The following MAGI2 variants were observed in gnomAD, a reference collection of about 807,000 sequenced individuals.
The protein encoded by MAGI2 is membrane associated guanylate kinase, WW and PDZ domain containing 2.
A neutral mutation model predicts 133.3 loss-of-function variants in MAGI2; 35 were observed. That is an observed-to-expected ratio of 0.26 (90% confidence interval 0.20 to 0.35). The LOEUF (loss-of-function observed/expected upper bound fraction) is 0.35, where lower values mean the gene tolerates loss of function less well. Ranked by LOEUF, MAGI2 falls within the 10% of genes least tolerant of loss-of-function variation. The pLI is 1.00. For missense variants in MAGI2, 1,636 were observed against 1,863.4 expected, an observed-to-expected ratio of 0.88 and a Z score of 2.25; for synonymous variants, 729 against 710.6, an observed-to-expected ratio of 1.03 and a Z score of -0.41.
At chr7:79,376,816 TTGTG>T (rs140364258) in intron 1 of MAGI2, among the ~76,000 whole-genome samples, 2,889 of 79,938 alleles carry the variant, frequency 0.036, 34 homozygotes, top group Middle Eastern at 0.1. Context: ...AAGAGAGGAT[TTGTG>T]TGTGTGTGTG....
intron 3 of MAGI2, among the ~76,000 whole-genome samples, chr7:78,604,303 A>T (rs1805558055): frequency 6.6e-6 from 1 of 152,136 alleles, no homozygotes. Context: ...AGGTGGCTGA[A>T]GTATGTTGAT....
At chr7:78,023,079 G>T (rs556844537) in intron 21 of MAGI2, among the ~76,000 whole-genome samples, 1 of 152,268 alleles carries the variant, frequency 6.6e-6, no homozygotes, top group Admixed American at 6.5e-5. Flanking sequence ...CGAAACATAT[G>T]GTGTCTGTCC....
Position 78,573,064 on chromosome 7 carries a change from T to C in MAGI2, c.539-51419A>G, listed in dbSNP as rs868015627. 1.0e-3 allele frequency among the ~76,000 whole-genome samples: 101 copies of C among 96,548 alleles called. 2 individuals carry two copies. Among genetic ancestry groups the C allele is most frequent in the African/African-American group, 4.4e-3 (99 of 22,360 alleles). 63.3% of individuals were successfully genotyped at this position (96,548 alleles called of 152,430 possible). ...ATATATATATATATATATATATATA[T>C]ATATATATATATACACACACACACA... On this transcript the variant is annotated intron_variant, in intron 3 of 21. Coordinates refer to ENST00000354212, the MANE Select transcript of MAGI2 (RefSeq NM_012301.4).
intron 9 of MAGI2, among the ~76,000 whole-genome samples, chr7:78,279,067 A>T (rs1415176519): frequency 6.6e-6 from 1 of 152,162 alleles, no homozygotes; most frequent in East Asian, 1.9e-4. Flanking sequence ...GAAGGATTTT[A>T]ACATATCAGA....
rs559470216 is a variant in MAGI2 at position 79,427,037 on chromosome 7, A to G, written c.301+25983T>C. On this transcript the variant is annotated intron_variant, in intron 1 of 21. Coordinates refer to ENST00000354212, the MANE Select transcript of MAGI2 (RefSeq NM_012301.4). ...ATTACAAAGCACTAAACTATAAAAT[A>G]TTGTTATGATTTGAAGTTGGATATA... Among the ~76,000 whole-genome samples the G allele has an allele frequency of 9.9e-4, 151 of 152,308 alleles. 3 individuals are homozygous for G. The highest frequency in any genetic ancestry group is 2.5e-4 in the Non-Finnish European group (17 of 68,002).
At chr7:79,325,939 G>A (rs951169626) in intron 1 of MAGI2, among the ~76,000 whole-genome samples, 2 of 151,994 alleles carry the variant, frequency 1.3e-5, no homozygotes, top group Non-Finnish European at 2.9e-5. Context: ...TTGAGTGCTG[G>A]GAATAGGGGG....
chr7:78,084,526 T>C (rs1359834697), intron 20 of MAGI2, among the ~76,000 whole-genome samples: 1 of 152,256 alleles, frequency 6.6e-6, no homozygotes, highest in African/African-American at 2.4e-5. Flanking sequence ...CAAGCTTTCT[T>C]GAAATACTGC....
chr7:78,612,615 C>T (rs536324750), intron 3 of MAGI2, among the ~76,000 whole-genome samples: 14 of 152,134 alleles, frequency 9.2e-5, no homozygotes, highest in South Asian at 2.1e-4. Flanking sequence ...GTCTCATTAA[C>T]GGAATAAGGA....
intron 1 of MAGI2, among the ~76,000 whole-genome samples, chr7:79,042,564 G>A (rs1192282713): frequency 6.6e-6 from 1 of 152,068 alleles, no homozygotes; most frequent in Non-Finnish European, 1.5e-5. Context: ...ATATATGCAT[G>A]CAACACTGAA....
At chr7:79,246,807 G>C (rs771369801) in intron 1 of MAGI2, among the ~76,000 whole-genome samples, 10 of 152,064 alleles carry the variant, frequency 6.6e-5, no homozygotes, top group Admixed American at 3.3e-4. Context: ...GAAAGTTATA[G>C]AACACTAAGC....
intron 2 of MAGI2, among the ~76,000 whole-genome samples, chr7:78,920,146 C>T (rs1799117484): frequency 6.6e-6 from 1 of 152,066 alleles, no homozygotes. Flanking sequence ...CCATGAATTT[C>T]TACATCATTA....
intron 2 of MAGI2, among the ~76,000 whole-genome samples, chr7:78,882,615 C>T (rs1011851310): frequency 4.6e-5 from 7 of 151,978 alleles, no homozygotes; most frequent in Admixed American, 1.3e-4. Context: ...AAACACTCAA[C>T]AAAACACTAA....
At chr7:78,070,106 T>TACACACAC (rs67410981) in intron 21 of MAGI2, among the ~76,000 whole-genome samples, 2 of 79,712 alleles carry the variant, frequency 2.5e-5, no homozygotes, top group East Asian at 1.0e-3. Flanking sequence ...CACACACACA[T>TACACACAC]ACACACACAC....
Position 78,670,108 on chromosome 7 carries a change from A to G in MAGI2, c.419-42869T>C, listed in dbSNP as rs992858583. The stretch of plus-strand genomic sequence containing the variant: ...AGGAGAAGGAAATAAAAGGTATTCA[A>G]TTAGGAAAAGAGGAAGTCAAATTGT... On this transcript the variant is annotated intron_variant, in intron 2 of 21. Coordinates refer to ENST00000354212, the MANE Select transcript of MAGI2 (RefSeq NM_012301.4). Among the ~76,000 whole-genome samples the G allele has an allele frequency of 2.0e-5, 3 of 151,694 alleles. 1 individual carries two copies. Among genetic ancestry groups the G allele is most frequent in the African/African-American group, 4.9e-5 (2 of 40,972 alleles).
At chr7:78,201,692 G>A (rs1829267146) in intron 10 of MAGI2, among the ~76,000 whole-genome samples, 1 of 152,096 alleles carries the variant, frequency 6.6e-6, no homozygotes, top group Non-Finnish European at 1.5e-5. Context: ...TTATGAATTA[G>A]GTTCCACTAT....
At chr7:78,136,976 A>G (rs1202121122) in intron 16 of MAGI2, among the ~76,000 whole-genome samples, 1 of 151,730 alleles carries the variant, frequency 6.6e-6, no homozygotes. Flanking sequence ...GTTTTTATAT[A>G]CCATAAGCAC....
At chr7:78,344,076 A>G (rs1056212528) in intron 8 of MAGI2, 116 bp from the exon 9 acceptor site, 7 of 808,922 alleles carry the variant, frequency 8.7e-6, no homozygotes, top group Admixed American at 3.2e-5. Flanking sequence ...GGGGGGTCTT[A>G]TACAGCAAAT....
At chr7:78,802,736 A>G (rs1447955018) in intron 2 of MAGI2, among the ~76,000 whole-genome samples, 1 of 152,180 alleles carries the variant, frequency 6.6e-6, no homozygotes, top group Admixed American at 6.6e-5. Context: ...GTACAGTATT[A>G]AAAGTGCAAT....
intron 21 of MAGI2, among the ~76,000 whole-genome samples, chr7:78,022,784 C>T (rs982037301): frequency 1.3e-5 from 2 of 152,198 alleles, no homozygotes; most frequent in African/African-American, 4.8e-5. Context: ...TTCAGGGAGA[C>T]ACTCTTTTCT....
Sources: allele counts gnomAD v4.1 joint callset (sites outside exome capture counted in the v4.1 genomes callset), GRCh38; gene constraint gnomAD v4.1.1; transcripts MANE v1.5; gene names NCBI Gene and HGNC (gene_info 2026-07-23, HGNC 2026-07-21).